Variants in CSMD1 observed in about 807,000 individuals in gnomAD.
CSMD1 encodes CUB and Sushi multiple domains 1.
Under a neutral mutation model 417.5 loss-of-function variants are expected in CSMD1, and 213 were observed. The observed-to-expected ratio is 0.51, with a 90% confidence interval of 0.46 to 0.57. The LOEUF is 0.57. Among genes scored for constraint, CSMD1 ranks in the 20% least tolerant of loss-of-function variants. The pLI is 0.00. For missense variants in CSMD1, 6,923 were observed against 4,529.7 expected (o/e 1.53, Z -15.17); for synonymous variants, 2,862 against 1,736.8 (o/e 1.65, Z -16.11).
intron 7 of CSMD1, among the ~76,000 whole-genome samples, chr8:3,689,325 G>C (rs996983304): frequency 6.6e-6 from 1 of 152,150 alleles, no homozygotes; most frequent in African/African-American, 2.4e-5. Flanking sequence ...AGATGATCTA[G>C]TTAACTCCAG....
intron 7 of CSMD1, among the ~76,000 whole-genome samples, chr8:3,653,722 C>G (rs533089846): frequency 6.6e-6 from 1 of 152,274 alleles, no homozygotes; most frequent in East Asian, 1.9e-4. Context: ...AATGAGGACT[C>G]TAGTGAAGGA....
At chr8:3,718,159 G>C (rs1801948718) in intron 6 of CSMD1, among the ~76,000 whole-genome samples, 1 of 152,148 alleles carries the variant, frequency 6.6e-6, no homozygotes, top group East Asian at 1.9e-4. Context: ...TTGTCTCATG[G>C]TCTGTACATT....
intron 18 of CSMD1, among the ~76,000 whole-genome samples, chr8:3,369,630 C>T (rs1809822359): frequency 6.6e-6 from 1 of 152,288 alleles, no homozygotes; most frequent in East Asian, 1.9e-4. Flanking sequence ...CCTGCATTAA[C>T]AAGCCTCAGA....
chr8:3,762,028 T>C (rs1798034734), intron 5 of CSMD1, among the ~76,000 whole-genome samples: 1 of 152,172 alleles, frequency 6.6e-6, no homozygotes, highest in East Asian at 1.9e-4. Flanking sequence ...CTTTAGCTTT[T>C]TCCTTGTGCC....
chr8:3,810,566 A>G (rs1313548418), intron 5 of CSMD1, among the ~76,000 whole-genome samples: 11 of 152,144 alleles, frequency 7.2e-5, no homozygotes, highest in African/African-American at 2.4e-4. Flanking sequence ...GGGTCAGTCT[A>G]CAAGGGTTAG....
intron 26 of CSMD1, among the ~76,000 whole-genome samples, chr8:3,266,170 C>A (rs1308534286): frequency 6.6e-6 from 1 of 150,824 alleles, no homozygotes; most frequent in Non-Finnish European, 1.5e-5. Flanking sequence ...AGGACACCTG[C>A]CTCTCAAGGG....
intron 5 of CSMD1, among the ~76,000 whole-genome samples, chr8:3,865,789 TA>T (rs1805053931): frequency 6.6e-6 from 1 of 152,286 alleles, no homozygotes; most frequent in African/African-American, 2.4e-5. Flanking sequence ...TTCTCTAAAA[TA>T]AGTGCCTCTT....
intron 8 of CSMD1, among the ~76,000 whole-genome samples, chr8:3,612,212 A>G (rs1801928799): frequency 6.6e-6 from 1 of 152,118 alleles, no homozygotes. Flanking sequence ...AGGGTAAAGA[A>G]AGTCATTTCA....
intron 1 of CSMD1, among the ~76,000 whole-genome samples, chr8:4,729,968 G>A (rs1809736235): frequency 1.3e-5 from 2 of 152,180 alleles, no homozygotes; most frequent in East Asian, 1.9e-4. Flanking sequence ...GCCTAAACAC[G>A]GGACAAATCA....
intron 1 of CSMD1, among the ~76,000 whole-genome samples, chr8:4,948,845 A>G (rs1276424373): frequency 6.6e-6 from 1 of 152,094 alleles, no homozygotes; most frequent in Non-Finnish European, 1.5e-5. Context: ...TTTTTAGAAA[A>G]GGTTATGGTG....
chr8:4,158,857 G>C (rs757447047), intron 3 of CSMD1, among the ~76,000 whole-genome samples: 5 of 152,160 alleles, frequency 3.3e-5, no homozygotes, highest in Non-Finnish European at 7.4e-5. Flanking sequence ...TTCAGAATCT[G>C]AAATCTCAAG....
At chr8:3,340,320 G>C (rs946525898) in intron 23 of CSMD1, among the ~76,000 whole-genome samples, 2 of 152,118 alleles carry the variant, frequency 1.3e-5, no homozygotes, top group Admixed American at 6.5e-5. Flanking sequence ...AGGTCCCTAA[G>C]TGTATGCTTT....
intron 3 of CSMD1, among the ~76,000 whole-genome samples, chr8:4,083,661 C>T (rs954831592): frequency 6.6e-6 from 1 of 152,050 alleles, no homozygotes; most frequent in South Asian, 2.1e-4. Context: ...AAACTGGATC[C>T]CTTCCTTACA....
At chr8:4,114,929 A>G (rs1407535817) in intron 3 of CSMD1, among the ~76,000 whole-genome samples, 1 of 152,248 alleles carries the variant, frequency 6.6e-6, no homozygotes, top group African/African-American at 2.4e-5. Context: ...ATGCTGAGAT[A>G]CAATCTACTC....
intron 51 of CSMD1, among the ~76,000 whole-genome samples, chr8:3,022,679 TA>T (rs35865350): frequency 0.6 from 81,566 of 136,276 alleles, 23,283 homozygotes; most frequent in East Asian, 0.68. Flanking sequence ...ACATTCTAGC[TA>T]AAAAAAAAAA....
At position 3,848,069 on chromosome 8, in the gene CSMD1, T is replaced by TTC. The variant is rs111682595; in HGVS notation, c.819-94029_819-94028dup. On this transcript the variant is annotated intron_variant, in intron 5 of 69. Transcript: ENST00000635120. Reference sequence around the variant, plus strand: ...AATCTTCTTACCATCCTGGTGATATTTCTCTCTCTCTCTCTCTCTCTAAAT... The same window carrying TTC: ...AATCTTCTTACCATCCTGGTGATATTTCTCTCTCTCTCTCTCTCTCTCTAAAT... Among the ~76,000 whole-genome samples the TTC allele has an allele frequency of 8.9e-3, 1,184 of 133,448 alleles. 14 individuals are homozygous for TTC. The highest frequency in any genetic ancestry group is 0.03 in the African/African-American group (1,079 of 36,450). The allele number at this position is 133,448 out of a possible 152,430, so 87.5% of individuals were successfully genotyped here. A position where few individuals can be genotyped will look rare whatever the true frequency, so the allele number is the denominator to read the frequency against.
chr8:3,879,588 T>C (rs535500220), intron 5 of CSMD1, among the ~76,000 whole-genome samples: 14 of 152,204 alleles, frequency 9.2e-5, no homozygotes, highest in Non-Finnish European at 7.3e-5. Context: ...ATCACATAGC[T>C]ATCAGAATGA....
intron 20 of CSMD1, among the ~76,000 whole-genome samples, chr8:3,366,558 C>G (rs1367178961): frequency 6.6e-6 from 1 of 152,148 alleles, no homozygotes; most frequent in Non-Finnish European, 1.5e-5. Context: ...ATATATTAAA[C>G]TACAAGCTCA....
intron 5 of CSMD1, among the ~76,000 whole-genome samples, chr8:3,958,313 A>C (rs1812104370): frequency 1.1e-5 from 1 of 91,682 alleles, no homozygotes; most frequent in African/African-American, 3.5e-5. Context: ...ATTTTTTTAA[A>C]CTCTCTCTTT....
Sources: allele counts gnomAD v4.1 joint callset (sites outside exome capture counted in the v4.1 genomes callset), GRCh38; gene constraint gnomAD v4.1.1; transcripts MANE v1.5; gene names NCBI Gene and HGNC (gene_info 2026-07-23, HGNC 2026-07-21).